The following ADAM10 variants were observed in gnomAD, a reference collection of about 807,000 sequenced individuals.
ADAM10 encodes the protein ADAM metallopeptidase domain 10.
In ADAM10, 17 loss-of-function variants were observed where a neutral mutation model predicts 90.1. The ratio of observed to expected loss-of-function variants is 0.19; its 90% CI spans 0.13 to 0.28. The LOEUF (loss-of-function observed/expected upper bound fraction) is 0.28. Ranked by LOEUF, ADAM10 falls within the 10% of genes least tolerant of loss-of-function variation. The probability of loss-of-function intolerance (pLI) is 1.00; values close to 1 mark genes in which losing one functional copy is unlikely to be tolerated. For missense variants in ADAM10, 610 were observed against 914.3 expected (o/e 0.67, Z 4.29); for synonymous variants, 310 against 298.6 (o/e 1.04, Z -0.40).
intron 5 of ADAM10, among the ~76,000 whole-genome samples, chr15:58,654,712 G>T (rs1896768046): frequency 6.6e-6 from 1 of 152,126 alleles, no homozygotes; most frequent in African/African-American, 2.4e-5. Context: ...TTTGTTTCAA[G>T]AAATTTTCCA....
chr15:58,712,463 T>G (rs1314032823), intron 2 of ADAM10, among the ~76,000 whole-genome samples: 1 of 136,552 alleles, frequency 7.3e-6, no homozygotes, highest in Non-Finnish European at 1.6e-5. Flanking sequence ...GGCAAGAGTT[T>G]CAGTGAAATA....
rs576647393 is a variant in ADAM10, at chr15:58,749,382, A to G, written c.55+98T>C. ...GTGGCGCCGCTGGCCGGCTGGGCTG[A>G]CTGACGCGCACGCCGCGAGGCGCGA... is the stretch of plus-strand genomic sequence containing the variant. On this transcript the variant is annotated intron_variant, in intron 1 of 15. Coordinates refer to ENST00000260408, the MANE Select transcript of ADAM10 (RefSeq NM_001110.4). 6 of 1,263,796 alleles carry G rather than the reference A, an allele frequency of 4.7e-6. No individual in the cohort carries two copies. The East Asian group carries it at 1.0e-4, about 22-fold the overall frequency. The allele number at this position is 1,263,796 out of a possible 1,614,324, so 78.3% of individuals were successfully genotyped here. A position where few individuals can be genotyped will look rare whatever the true frequency, so the allele number is the denominator to read the frequency against.
At chr15:58,679,372 A>G (rs1897368094) in intron 3 of ADAM10, 90 bp from the exon 4 acceptor site, 1 of 1,129,992 alleles carries the variant, frequency 8.8e-7, no homozygotes, top group African/African-American at 1.6e-5. Flanking sequence ...GTGTATATAT[A>G]TACACACATG....
intron 5 of ADAM10, among the ~76,000 whole-genome samples, chr15:58,650,964 G>A (rs1343538636): frequency 2.0e-5 from 3 of 151,722 alleles, no homozygotes; most frequent in Admixed American, 2.0e-4. Context: ...TTCATATAGT[G>A]AAATATATTC....
intron 4 of ADAM10, among the ~76,000 whole-genome samples, chr15:58,670,441 G>GA (rs1431108023): frequency 6.6e-6 from 1 of 152,072 alleles, no homozygotes; most frequent in African/African-American, 2.4e-5. Flanking sequence ...ATATGTGCAA[G>GA]AATGTTACCT....
At chr15:58,697,913 C>T (rs1056767809) in intron 2 of ADAM10, among the ~76,000 whole-genome samples, 17 of 152,180 alleles carry the variant, frequency 1.1e-4, no homozygotes, top group South Asian at 6.2e-4. Context: ...ACACTATTAA[C>T]GCTGTAAACA....
chr15:58,592,633 T>C lies in ADAM10; in HGVS notation c.*4914A>G, dbSNP rs1894846625. 6.6e-6 allele frequency: 1 copy of C among 152,106 alleles called. No homozygotes were observed. Among genetic ancestry groups the C allele is most frequent in the South Asian group, 2.1e-4 (1 of 4,834 alleles). The allele number at this position is 152,106 out of a possible 1,614,324, so 9.4% of individuals were successfully genotyped here. A position where few individuals can be genotyped will look rare whatever the true frequency, so the allele number is the denominator to read the frequency against. The stretch of plus-strand genomic sequence containing the variant: ...CCACAATTAGGGCACTCAATTTGAC[T>C]TGCATTTGAATTATGTCTAAAGCTA... On this transcript the variant is annotated 3_prime_UTR_variant, in exon 16 of 16. Transcript: ENST00000260408.
In ADAM10 at chr15:58,595,454, C is replaced by A. The variant is rs1356334566; in HGVS notation, c.*2093G>T. The A allele has an allele frequency of 6.6e-6, 1 of 152,066 alleles. No homozygotes were observed. Among genetic ancestry groups the A allele is most frequent in the Non-Finnish European group, 1.5e-5 (1 of 67,968 alleles). 9.4% of individuals were successfully genotyped at this position (152,066 alleles called of 1,614,324 possible). ...TTTCAAAAAACCTTACATCTTTGCACAATACTTTATTTTTTGCAATTTTTA... is the reference window on the plus strand; with the variant it reads ...TTTCAAAAAACCTTACATCTTTGCAAAATACTTTATTTTTTGCAATTTTTA... On this transcript the variant is annotated 3_prime_UTR_variant, in exon 16 of 16. Transcript: ENST00000260408.
intron 2 of ADAM10, among the ~76,000 whole-genome samples, chr15:58,700,231 G>A (rs1298865630): frequency 3.3e-5 from 5 of 152,114 alleles, no homozygotes; most frequent in African/African-American, 7.2e-5. Context: ...ACTGCACATT[G>A]GACCAAATAG....
chr15:58,693,508 A>G (rs1298646987), intron 2 of ADAM10, among the ~76,000 whole-genome samples: 1 of 152,200 alleles, frequency 6.6e-6, no homozygotes, highest in Non-Finnish European at 1.5e-5. Flanking sequence ...TTTTTCAAAA[A>G]GTGATGCTAA....
intron 4 of ADAM10, among the ~76,000 whole-genome samples, chr15:58,675,810 CAAAA>C (rs1897293040): frequency 6.6e-6 from 1 of 152,060 alleles, no homozygotes; most frequent in African/African-American, 2.4e-5. Context: ...CCTTCAGTTG[CAAAA>C]ACAGTATTAA....
At chr15:58,602,085 T>C (rs1402236499) in intron 14 of ADAM10, among the ~76,000 whole-genome samples, 1 of 152,208 alleles carries the variant, frequency 6.6e-6, no homozygotes, top group African/African-American at 2.4e-5. Context: ...TATGTAAATA[T>C]CCTGTTCTTC....
In ADAM10 at chr15:58,728,415, A is replaced by T. The variant is rs117638237; in HGVS notation, c.56-10688T>A. ...TGTTGAATTTTATTGTATGTAAACT[A>T]TACCTCAATAAAGCTGACTAGATTT... On this transcript the variant is annotated intron_variant, in intron 1 of 15. Transcript: ENST00000260408. Among the ~76,000 whole-genome samples the T allele has an allele frequency of 3.3e-4, 51 of 152,308 alleles. No homozygotes were observed. The East Asian group carries it at 9.8e-3, about 29-fold the overall frequency.
At chr15:58,705,951 T>C (rs1248063529) in intron 2 of ADAM10, among the ~76,000 whole-genome samples, 2 of 152,228 alleles carry the variant, frequency 1.3e-5, no homozygotes, top group African/African-American at 4.8e-5. Context: ...TTATCATAGG[T>C]ATTTATGTAA....
chr15:58,734,381 G>A (rs1172429554), intron 1 of ADAM10, among the ~76,000 whole-genome samples: 1 of 152,092 alleles, frequency 6.6e-6, no homozygotes. Context: ...GCAAACAGGA[G>A]GCAGTGCCAA....
chr15:58,636,269 T>G (rs1307852649), intron 8 of ADAM10, among the ~76,000 whole-genome samples: 10 of 149,768 alleles, frequency 6.7e-5, no homozygotes, highest in African/African-American at 2.0e-4. Context: ...AGAGCGAGAC[T>G]TCGTTTCAAA....
At chr15:58,621,734 A>C in intron 10 of ADAM10, 113 bp from the exon 11 acceptor site, 2 of 1,325,942 alleles carry the variant, frequency 1.5e-6, no homozygotes, top group Non-Finnish European at 2.1e-6. Context: ...ACTTTGATGA[A>C]TAAGTAGAAC....
chr15:58,629,616 A>C (rs192318522), intron 9 of ADAM10, among the ~76,000 whole-genome samples: 73 of 152,348 alleles, frequency 4.8e-4, no homozygotes, highest in African/African-American at 1.7e-3. Flanking sequence ...TTGTCTAACT[A>C]TAAGAAAGAA....
chr15:58,653,460 A>G (rs1301645395), intron 5 of ADAM10, among the ~76,000 whole-genome samples: 2 of 152,188 alleles, frequency 1.3e-5, no homozygotes, highest in Non-Finnish European at 2.9e-5. Flanking sequence ...CTTTTTCAGC[A>G]TCAATTGAAA....
Sources: allele counts gnomAD v4.1 joint callset (sites outside exome capture counted in the v4.1 genomes callset), GRCh38; gene constraint gnomAD v4.1.1; transcripts MANE v1.5; gene names NCBI Gene and HGNC (gene_info 2026-07-23, HGNC 2026-07-21).